VWA8: variants seen among roughly 807,000 people sequenced by gnomAD.
VWA8 encodes von Willebrand factor A domain-containing protein 8.
Under a neutral mutation model 241.5 loss-of-function variants are expected in VWA8, and 221 were observed. The ratio of observed to expected loss-of-function variants is 0.91; its 90% CI spans 0.82 to 1.02. The LOEUF (loss-of-function observed/expected upper bound fraction) is 1.02. Ranked by LOEUF, VWA8 falls within the 50% of genes least tolerant of loss-of-function variation. The pLI, the probability that VWA8 is intolerant of heterozygous loss-of-function variation, is 0.00. For synonymous variants in VWA8, 852 were observed against 827.1 expected, an observed-to-expected ratio of 1.03 and a Z score of -0.52; for missense variants, 2,322 against 2,328.7, an observed-to-expected ratio of 1.00 and a Z score of 0.06.
At chr13:41,915,303 T>G (rs1876199909) in intron 2 of VWA8, among the ~76,000 whole-genome samples, 1 of 152,236 alleles carries the variant, frequency 6.6e-6, no homozygotes, top group African/African-American at 2.4e-5. Context: ...CACATCTGAC[T>G]AGTCTCAGTC....
In VWA8 at chr13:41,904,529, T is replaced by A. The variant is rs182135192; in HGVS notation, c.483+3057A>T. ...AGTATAGAAAAGAGGCAAATTTTTT[T>A]AAAACCTTGTCAATTGGGGGTGGTG... On this transcript the variant is annotated intron_variant, in intron 4 of 44. Coordinates refer to ENST00000379310, the MANE Select transcript of VWA8 (RefSeq NM_015058.2). 4.6e-3 allele frequency among the ~76,000 whole-genome samples: 704 copies of A among 152,230 alleles called. 7 individuals carry two copies. The highest frequency in any genetic ancestry group is 0.016 in the South Asian group (78 of 4,824).
intron 17 of VWA8, among the ~76,000 whole-genome samples, chr13:41,790,362 A>T (rs1869400558): frequency 6.6e-6 from 1 of 152,050 alleles, no homozygotes; most frequent in Non-Finnish European, 1.5e-5. Context: ...AACAGTGAAA[A>T]TTTTATATAG....
intron 35 of VWA8, among the ~76,000 whole-genome samples, chr13:41,683,478 G>GT (rs2045114539): frequency 6.6e-6 from 1 of 152,112 alleles, no homozygotes; most frequent in South Asian, 2.1e-4. Context: ...AATGGGGGAA[G>GT]TTTTTGGGGT....
intron 43 of VWA8, among the ~76,000 whole-genome samples, chr13:41,571,366 C>T (rs893157840): frequency 7.6e-5 from 11 of 145,556 alleles, no homozygotes; most frequent in Non-Finnish European, 4.5e-5. Flanking sequence ...TCCCTCTCCC[C>T]GGTCTCCCTC....
At position 41,833,543 on chromosome 13, in the gene VWA8, C is replaced by A; in HGVS notation, c.1426-12G>T. The A allele has an allele frequency of 6.3e-7, 1 of 1,590,132 alleles. No homozygotes were observed. The highest frequency in any genetic ancestry group is 8.6e-7 in the Non-Finnish European group (1 of 1,169,192). On this transcript the variant is annotated splice_polypyrimidine_tract_variant and intron_variant, in intron 12 of 44. Coordinates refer to ENST00000379310, the MANE Select transcript of VWA8 (RefSeq NM_015058.2). Reference sequence around the variant, plus strand: ...CGCGCTGTCATATCCTAAAACAAATCCCCACCACCCAACAAAGAACATGAC... The same window carrying A: ...CGCGCTGTCATATCCTAAAACAAATACCCACCACCCAACAAAGAACATGAC...
At chr13:41,913,310 A>C (rs568395487) in intron 2 of VWA8, among the ~76,000 whole-genome samples, 2 of 152,314 alleles carry the variant, frequency 1.3e-5, no homozygotes, top group South Asian at 4.1e-4. Flanking sequence ...ATGGAATCAA[A>C]GAGATTCTTA....
At chr13:41,796,308 T>C (rs542206326) in intron 17 of VWA8, among the ~76,000 whole-genome samples, 1 of 152,286 alleles carries the variant, frequency 6.6e-6, no homozygotes, top group South Asian at 2.1e-4. Context: ...TTGGTACAAT[T>C]TGACAATAAA....
chr13:41,618,867 A>T (rs369060893), intron 37 of VWA8, among the ~76,000 whole-genome samples: 148 of 152,150 alleles, frequency 9.7e-4, no homozygotes, highest in African/African-American at 3.2e-3. Flanking sequence ...TGCTGTTTTG[A>T]TTACTGTAGC....
chr13:41,823,887 A>G (rs1871068132), intron 14 of VWA8, among the ~76,000 whole-genome samples: 1 of 152,232 alleles, frequency 6.6e-6, no homozygotes, highest in Admixed American at 6.5e-5. Flanking sequence ...CACACTATAA[A>G]GTTGAAAGGG....
At chr13:41,810,324 A>G (rs1457483220) in intron 17 of VWA8, among the ~76,000 whole-genome samples, 3 of 152,092 alleles carry the variant, frequency 2.0e-5, no homozygotes, top group Non-Finnish European at 4.4e-5. Flanking sequence ...GGTCTGTGCT[A>G]CCATGTTTAT....
At chr13:41,801,999 C>G (rs1207653974) in intron 17 of VWA8, among the ~76,000 whole-genome samples, 1 of 152,184 alleles carries the variant, frequency 6.6e-6, no homozygotes, top group Non-Finnish European at 1.5e-5. Context: ...TTGTCCTCCC[C>G]TCCACAGGAA....
intron 17 of VWA8, among the ~76,000 whole-genome samples, chr13:41,788,841 T>A (rs1443396114): frequency 1.3e-5 from 2 of 152,174 alleles, no homozygotes; most frequent in Non-Finnish European, 1.5e-5. Context: ...CTTAGACTTG[T>A]TGGCTATTCC....
intron 24 of VWA8, among the ~76,000 whole-genome samples, chr13:41,725,471 C>T (rs2045425463): frequency 1.3e-5 from 2 of 152,080 alleles, no homozygotes; most frequent in South Asian, 4.1e-4. Flanking sequence ...GATAAGACTG[C>T]TGGAATAAAA....
At chr13:41,807,692 G>A (rs1450987060) in intron 17 of VWA8, 1 of 152,228 alleles carries the variant, frequency 6.6e-6, no homozygotes, top group African/African-American at 2.4e-5. Context: ...GCACAGTGGT[G>A]CATGCCTGTA....
rs538554107 is a variant in VWA8, at chr13:41,774,220, GC to G, written c.2349+3764del. Reference sequence around the variant, plus strand: ...AGTGGCACGATCTCAGCTCACTGCAGCCTCCGTCTCCCAGGTTCAAGCGATT... The same window carrying G: ...AGTGGCACGATCTCAGCTCACTGCAGCTCCGTCTCCCAGGTTCAAGCGATT... On this transcript the variant is annotated intron_variant, in intron 20 of 44. Coordinates refer to ENST00000379310, the MANE Select transcript of VWA8 (RefSeq NM_015058.2). Among the ~76,000 whole-genome samples, 220 of 152,224 alleles carry G rather than the reference GC, an allele frequency of 1.4e-3. 1 individual carries two copies. Among genetic ancestry groups the G allele is most frequent in the African/African-American group, 4.9e-3 (204 of 41,550 alleles).
chr13:41,705,317 T>A (rs2045276168), intron 26 of VWA8, among the ~76,000 whole-genome samples: 1 of 151,822 alleles, frequency 6.6e-6, no homozygotes, highest in Non-Finnish European at 1.5e-5. Flanking sequence ...GGTACTGAAT[T>A]AGGGGAATAA....
chr13:41,827,577 G>A (rs1036379419), intron 14 of VWA8, among the ~76,000 whole-genome samples: 1 of 152,080 alleles, frequency 6.6e-6, no homozygotes, highest in Non-Finnish European at 1.5e-5. Context: ...CTCTAGTTTC[G>A]TGCATGTTTA....
intron 21 of VWA8, among the ~76,000 whole-genome samples, chr13:41,756,007 TACAAAAGAGAGTTTCA>T (rs2045692418): frequency 6.6e-6 from 1 of 151,502 alleles, no homozygotes; most frequent in Non-Finnish European, 1.5e-5. Flanking sequence ...AAACAAAACA[TACAAAAGAGAGTTTCA>T]ACAATGCCAA....
At chr13:41,941,333 C>T (rs981043938) in intron 2 of VWA8, among the ~76,000 whole-genome samples, 7 of 152,154 alleles carry the variant, frequency 4.6e-5, no homozygotes, top group Non-Finnish European at 1.0e-4. Flanking sequence ...TATAATACGG[C>T]ACCTTAGAAG....
Sources: allele counts gnomAD v4.1 joint callset (sites outside exome capture counted in the v4.1 genomes callset), GRCh38; gene constraint gnomAD v4.1.1; transcripts MANE v1.5; gene names NCBI Gene and HGNC (gene_info 2026-07-23, HGNC 2026-07-21).